Variants in PYHIN1 observed in about 807,000 individuals in gnomAD.
PYHIN1 encodes pyrin and HIN domain family member 1, also known as pyrin and HIN domain-containing protein 1.
In PYHIN1, 32 loss-of-function variants were observed where a neutral mutation model predicts 43.7. The ratio of observed to expected loss-of-function variants is 0.73; its 90% confidence interval spans 0.55 to 0.98. PYHIN1 has a LOEUF of 0.98. PYHIN1 is among the 50% of genes least tolerant of loss of function. The probability of loss-of-function intolerance (pLI) is 0.00; values close to 1 mark genes in which losing one functional copy is unlikely to be tolerated. For synonymous variants in PYHIN1, 205 were observed against 203.1 expected (o/e 1.01, Z -0.08); for missense variants, 588 against 589.5 (o/e 1.00, Z 0.03).
At chr1:158,975,558 T>C (rs188401122) in intron 8 of PYHIN1, among the ~76,000 whole-genome samples, 1 of 152,132 alleles carries the variant, frequency 6.6e-6, no homozygotes, top group Non-Finnish European at 1.5e-5. Context: ...AATATTTTTC[T>C]AACTGAGCTT....
chr1:158,959,157 G>A (rs1650171798), intron 7 of PYHIN1, among the ~76,000 whole-genome samples: 1 of 150,880 alleles, frequency 6.6e-6, no homozygotes, highest in Admixed American at 6.6e-5. Context: ...CAGCTGCAGG[G>A]GTCCATCCTG....
intron 7 of PYHIN1, among the ~76,000 whole-genome samples, chr1:158,972,755 AC>A (rs1315812152): frequency 1.3e-5 from 2 of 151,964 alleles, no homozygotes; most frequent in Non-Finnish European, 2.9e-5. Flanking sequence ...CCAGCCTAAA[AC>A]TGTCTTCAAG....
chr1:158,960,402 C>A (rs1186034538), intron 7 of PYHIN1, among the ~76,000 whole-genome samples: 1 of 152,212 alleles, frequency 6.6e-6, no homozygotes, highest in Non-Finnish European at 1.5e-5. Context: ...TTAATCACAA[C>A]CCTTGCTAAA....
At chr1:158,986,518 A>G in the PYHIN1 span, among the ~76,000 whole-genome samples, 3 of 152,118 alleles carry the variant, frequency 2.0e-5, no homozygotes, top group Non-Finnish European at 2.9e-5. Context: ...TAAACCATCT[A>G]TGTGGGGACA....
At position 158,959,186 on chromosome 1, in the gene PYHIN1, C is replaced by T. The variant is rs560001504; in HGVS notation, c.1359+14144C>T. ...CATCCTGCAGACCCTGACCCAACGA[C>T]GGATGAATAACAGACACTGACACAG... On this transcript the variant is annotated intron_variant, in intron 7 of 8. Transcript: ENST00000368140. 6.0e-5 allele frequency among the ~76,000 whole-genome samples: 9 copies of T among 150,014 alleles called. No individual in the cohort carries two copies. In the South Asian group the frequency reaches 1.9e-3, roughly 32 times the overall value.
At position 158,939,197 on chromosome 1, in the gene PYHIN1, C is replaced by G; in HGVS notation, c.529C>G (p.Pro177Ala). The part of the protein sequence containing the change: ...ASTSTAMGRS[P>A]PPQTSSSAPP... Reference sequence around the variant, plus strand: ...CACGTCCACAGCCATGGGCCGTTCCCCACCTCCCCAGACCTCATCATCAGC... The same window carrying G: ...CACGTCCACAGCCATGGGCCGTTCCGCACCTCCCCAGACCTCATCATCAGC... Residue 177 changes from proline to alanine, a missense_variant, in exon 4 of 9, where the codon CCA becomes GCA. Coordinates refer to ENST00000368140, the MANE Select transcript of PYHIN1 (RefSeq NM_152501.5). The G allele has an allele frequency of 6.2e-7, 1 of 1,613,304 alleles. No homozygotes were observed. The highest frequency in any genetic ancestry group is 8.5e-7 in the Non-Finnish European group (1 of 1,179,822).
At chr1:158,939,571 G>A (rs973715863) in intron 4 of PYHIN1, 2 of 1,497,186 alleles carry the variant, frequency 1.3e-6, no homozygotes. Context: ...ATTTGTTCAA[G>A]TTTCTCTGAC....
At position 158,953,472 on chromosome 1, in the gene PYHIN1, CA is replaced by C. The variant is rs1476647144; in HGVS notation, c.1359+8431del. Among the ~76,000 whole-genome samples, 7 of 150,494 alleles carry C rather than the reference CA, an allele frequency of 4.7e-5. 1 individual carries two copies. In the South Asian group the frequency reaches 1.1e-3, roughly 23 times the overall value. On this transcript the variant is annotated intron_variant, in intron 7 of 8. Coordinates refer to ENST00000368140, the MANE Select transcript of PYHIN1 (RefSeq NM_152501.5). ...ACCCCCGAGCAGCCTAACTGGGAGG[CA>C]CCCCCCAGCAGGGGCACACTGACAC...
chr1:158,937,950 A>C (rs962963033), intron 2 of PYHIN1, among the ~76,000 whole-genome samples: 2 of 152,002 alleles, frequency 1.3e-5, no homozygotes, highest in African/African-American at 4.8e-5. Flanking sequence ...GTCTCAAAAA[A>C]AAAAAAAAAG....
At chr1:158,989,560 G>A in the PYHIN1 span, among the ~76,000 whole-genome samples, 4 of 152,178 alleles carry the variant, frequency 2.6e-5, no homozygotes, top group Non-Finnish European at 2.9e-5. Flanking sequence ...ATATTTACAA[G>A]TGGAACATCA....
chr1:158,968,864 G>A (rs1399174961), intron 7 of PYHIN1, among the ~76,000 whole-genome samples: 1 of 148,928 alleles, frequency 6.7e-6, no homozygotes, highest in Non-Finnish European at 1.5e-5. Flanking sequence ...CGGACCCAAA[G>A]AGGAGAACAA....
chr1:158,965,880 C>A (rs1650602984), intron 7 of PYHIN1, among the ~76,000 whole-genome samples: 1 of 151,682 alleles, frequency 6.6e-6, no homozygotes, highest in South Asian at 2.1e-4. Context: ...AAAGAAATAA[C>A]CAATATCAGA....
chr1:158,938,242 G>T (rs1648682216), intron 2 of PYHIN1, among the ~76,000 whole-genome samples, 155 bp from the exon 3 acceptor site: 1 of 152,146 alleles, frequency 6.6e-6, no homozygotes, highest in South Asian at 2.1e-4. Flanking sequence ...TCTCCTGCTG[G>T]CCTCCTGGAA....
Position 158,942,004 on chromosome 1 carries a change from G to A in PYHIN1, c.607G>A (p.Ala203Thr), listed in dbSNP as rs373564494. ...ESLKPLANRHATASKNIFRED... is the reference protein window; with the variant it reads ...ESLKPLANRHTTASKNIFRED... ...CCTAAAACCATTGGCCAACCGTCACGCAACTGCCAGTAAAAATATTTTCCG... is the reference window on the plus strand; with the variant it reads ...CCTAAAACCATTGGCCAACCGTCACACAACTGCCAGTAAAAATATTTTCCG... The change falls in exon 5 of 9, where the codon GCA becomes ACA. Residue 203 changes from alanine (A) to threonine (T), a missense_variant. Transcript: ENST00000368140. 55 of 1,609,592 alleles carry A rather than the reference G, an allele frequency of 3.4e-5. No homozygotes were observed. Among genetic ancestry groups the A allele is most frequent in the South Asian group, 1.7e-4 (15 of 90,422 alleles).
At chr1:158,979,978 A>C (rs1039119842), downstream of PYHIN1, among the ~76,000 whole-genome samples, 1 of 152,062 alleles carries the variant, frequency 6.6e-6, no homozygotes, top group South Asian at 2.1e-4. Context: ...AGTAAGAACA[A>C]GTGGTATTTG....
intron 8 of PYHIN1, among the ~76,000 whole-genome samples, chr1:158,975,159 C>T (rs952253604): frequency 6.6e-6 from 1 of 151,994 alleles, no homozygotes; most frequent in Non-Finnish European, 1.5e-5. Context: ...GAAAATACAT[C>T]CTGTTACTTC....
rs1385845994 is a variant in PYHIN1 at position 158,957,975 on chromosome 1, C to T, written c.1359+12933C>T. The stretch of plus-strand genomic sequence containing the variant: ...TGAACAGACACTTCTCAAAAGAAGA[C>T]ATTTATGCAGCCAAAAAACACATGA... On this transcript the variant is annotated intron_variant, in intron 7 of 8. Coordinates refer to ENST00000368140, the MANE Select transcript of PYHIN1 (RefSeq NM_152501.5). 1.5e-4 allele frequency among the ~76,000 whole-genome samples: 23 copies of T among 152,216 alleles called. No homozygotes were observed. In the East Asian group the frequency reaches 4.2e-3, roughly 28 times the overall value.
At chr1:158,987,126 G>A in the PYHIN1 span, among the ~76,000 whole-genome samples, 1 of 152,150 alleles carries the variant, frequency 6.6e-6, no homozygotes, top group African/African-American at 2.4e-5. Flanking sequence ...GTGAGGTGAT[G>A]GGATATTGTC....
chr1:158,939,443 G>T, intron 4 of PYHIN1, 196 bp downstream of exon 4: 1 of 1,552,318 alleles, frequency 6.4e-7, no homozygotes, highest in Non-Finnish European at 8.7e-7. Context: ...ACTGCAGGAA[G>T]TTTTCTGTCC....
Sources: gnomAD v4.1 joint callset for allele counts (sites outside exome capture counted in the v4.1 genomes callset) on GRCh38, gnomAD v4.1.1 for gene constraint, MANE v1.5 for transcripts, NCBI Gene and HGNC (gene_info 2026-07-23, HGNC 2026-07-21) for gene names.